PIERCE1: variants seen among roughly 807,000 people sequenced by gnomAD.
PIERCE1 encodes piercer of microtubule wall 1 protein.
chr9:135,496,648 T>G, the PIERCE1 span, among the ~76,000 whole-genome samples: 3 of 152,232 alleles, frequency 2.0e-5, no homozygotes, highest in Admixed American at 2.0e-4. Context: ...GTCCTTAGCA[T>G]GTCGCACTTG....
the PIERCE1 span, chr9:135,498,480 C>T: frequency 1.1e-6 from 1 of 922,138 alleles, no homozygotes; most frequent in East Asian, 2.5e-5. This position sits in a 1 kb window ranked among gnomAD's most constrained non-coding sequence, Gnocchi z 4.1. Context: ...CCTGGGTGCA[C>T]CCCTCCCCGT....
the PIERCE1 span, chr9:135,499,627 C>A: frequency 2.0e-6 from 3 of 1,523,994 alleles, no homozygotes; most frequent in Non-Finnish European, 2.7e-6. Flanking sequence ...GTAGCTAGGA[C>A]CTTGGGGGTC....
At chr9:135,496,937 C>T in the PIERCE1 span, among the ~76,000 whole-genome samples, 1 of 151,964 alleles carries the variant, frequency 6.6e-6, no homozygotes, top group Non-Finnish European at 1.5e-5. Context: ...GCTGGGATTA[C>T]AGGCGCCCAC....
chr9:135,495,297 G>T, the PIERCE1 span: 1 of 871,156 alleles, frequency 1.1e-6, no homozygotes, highest in Non-Finnish European at 1.8e-6. Context: ...CTACTCCGCA[G>T]ACGAATAATA....
At chr9:135,499,628 C>T in the PIERCE1 span, 1 of 1,529,690 alleles carries the variant, frequency 6.5e-7, no homozygotes, top group East Asian at 2.4e-5. Flanking sequence ...TAGCTAGGAC[C>T]TTGGGGGTCT....
At chr9:135,497,857 G>A in the PIERCE1 span, among the ~76,000 whole-genome samples, 3 of 152,148 alleles carry the variant, frequency 2.0e-5, no homozygotes, top group East Asian at 1.9e-4. Flanking sequence ...AGTCACTCAC[G>A]CCACACAACT....
the PIERCE1 span, among the ~76,000 whole-genome samples, chr9:135,496,225 G>C: frequency 6.6e-6 from 1 of 152,270 alleles, no homozygotes; most frequent in Non-Finnish European, 1.5e-5. Context: ...GCTGAGGCAG[G>C]AGAATTGCTT....
chr9:135,498,965 A>C, the PIERCE1 span: 2 of 368,702 alleles, frequency 5.4e-6, no homozygotes, highest in East Asian at 5.9e-5. The surrounding 1 kb of genome is among the most constrained non-coding windows in gnomAD (Gnocchi z 4.1). Context: ...GCCTCGGCAC[A>C]TGCTGCAATT....
the PIERCE1 span, among the ~76,000 whole-genome samples, chr9:135,496,367 G>A: frequency 2.0e-5 from 3 of 152,204 alleles, no homozygotes; most frequent in Non-Finnish European, 4.4e-5. Flanking sequence ...AGTGGTAGGA[G>A]TTATTCTAGC....
At chr9:135,497,689 T>C in the PIERCE1 span, among the ~76,000 whole-genome samples, 1 of 152,192 alleles carries the variant, frequency 6.6e-6, no homozygotes, top group East Asian at 1.9e-4. Context: ...CCTCCCAAAG[T>C]GCTGGGATTA....
chr9:135,496,813 T>TTTTG, the PIERCE1 span, among the ~76,000 whole-genome samples: 2 of 150,426 alleles, frequency 1.3e-5, no homozygotes, highest in Non-Finnish European at 3.0e-5. Flanking sequence ...TTTTTTTTTT[T>TTTTG]GAGATGGAGT....
At chr9:135,495,264 C>G in the PIERCE1 span, 4 of 640,144 alleles carry the variant, frequency 6.2e-6, no homozygotes, top group Non-Finnish European at 5.4e-6. Flanking sequence ...GGCAGGACTT[C>G]ACGGCCCCGT....
chr9:135,495,558 A>G, the PIERCE1 span: 1 of 1,614,184 alleles, frequency 6.2e-7, no homozygotes, highest in South Asian at 1.1e-5. Context: ...TTGTTCCGGA[A>G]CATTCCACCC....
chr9:135,496,931 G>T, the PIERCE1 span, among the ~76,000 whole-genome samples: 1 of 151,850 alleles, frequency 6.6e-6, no homozygotes, highest in Admixed American at 6.6e-5. Flanking sequence ...CAAGCAGCTG[G>T]GATTACAGGC....
chr9:135,499,587 C>T, the PIERCE1 span: 1 of 1,351,730 alleles, frequency 7.4e-7, no homozygotes, highest in South Asian at 1.3e-5. Flanking sequence ...AGCGCGGGCC[C>T]CGGATGACCA....
At chr9:135,499,576 C>T in the PIERCE1 span, 2 of 1,251,504 alleles carry the variant, frequency 1.6e-6, no homozygotes, top group East Asian at 5.1e-5. Context: ...CGGGCGATGA[C>T]AGCGCGGGCC....
chr9:135,498,551 C>G, the PIERCE1 span: 5 of 1,605,104 alleles, frequency 3.1e-6, no homozygotes, highest in Admixed American at 1.7e-5. The surrounding 1 kb of genome is among the most constrained non-coding windows in gnomAD (Gnocchi z 4.1). Flanking sequence ...CACCCACCCC[C>G]TGCCCCCCAT....
chr9:135,497,341 C>T, the PIERCE1 span, among the ~76,000 whole-genome samples: 1 of 152,070 alleles, frequency 6.6e-6, no homozygotes, highest in Non-Finnish European at 1.5e-5. Flanking sequence ...TTTTTCATGG[C>T]CTTTTATAAA....
the PIERCE1 span, chr9:135,498,858 C>T: frequency 1.0e-5 from 6 of 590,866 alleles, no homozygotes; most frequent in Admixed American, 2.7e-5. This position sits in a 1 kb window ranked among gnomAD's most constrained non-coding sequence, Gnocchi z 4.1. Flanking sequence ...CCGGCCTCCC[C>T]GGCCCCCTCT....
Sources: gnomAD v4.1 joint callset for allele counts (sites outside exome capture counted in the v4.1 genomes callset) on GRCh38, gnomAD v4.1.1 for gene constraint, Gnocchi (gnomAD v3.1) non-coding constraint, MANE v1.5 for transcripts, NCBI Gene and HGNC (gene_info 2026-07-23, HGNC 2026-07-21) for gene names.